SKIC3: variants seen among roughly 807,000 people sequenced by gnomAD.
SKIC3 encodes the protein SKI3 subunit of superkiller complex.
the SKIC3 span, chr5:95,529,192 C>T: frequency 1.9e-6 from 2 of 1,045,756 alleles, no homozygotes; most frequent in Non-Finnish European, 2.9e-6. Context: ...TCAGACTCCT[C>T]CCCTCTTCAT....
the SKIC3 span, among the ~76,000 whole-genome samples, chr5:95,535,393 C>G: frequency 6.7e-6 from 1 of 149,190 alleles, no homozygotes; most frequent in Non-Finnish European, 1.5e-5. Context: ...TCACTGCAAC[C>G]TCCGCCTCCC....
chr5:95,465,736 T>C, the SKIC3 span, among the ~76,000 whole-genome samples: 1 of 152,230 alleles, frequency 6.6e-6, no homozygotes, highest in Non-Finnish European at 1.5e-5. Flanking sequence ...ATGCAGTCGG[T>C]TGCATTACAA....
chr5:95,509,358 GA>G, the SKIC3 span, among the ~76,000 whole-genome samples: 5 of 151,678 alleles, frequency 3.3e-5, no homozygotes, highest in African/African-American at 1.2e-4. Flanking sequence ...AAGGAAAAAA[GA>G]AAAAAAACCT....
At chr5:95,495,996 T>C in the SKIC3 span, among the ~76,000 whole-genome samples, 1 of 151,998 alleles carries the variant, frequency 6.6e-6, no homozygotes, top group African/African-American at 2.4e-5. Context: ...TTCTGCCATT[T>C]GCAAATGCTA....
the SKIC3 span, among the ~76,000 whole-genome samples, chr5:95,467,134 T>G: frequency 1.9e-3 from 286 of 152,288 alleles, no homozygotes; most frequent in Middle Eastern, 3.4e-3. Flanking sequence ...CCTCAGTACA[T>G]TTAATGGATG....
chr5:95,488,611 A>G, the SKIC3 span, among the ~76,000 whole-genome samples: 3 of 152,216 alleles, frequency 2.0e-5, no homozygotes. Flanking sequence ...AGGGAAAATA[A>G]AGTTTTCCCA....
chr5:95,485,353 T>G, the SKIC3 span, among the ~76,000 whole-genome samples: 1 of 152,190 alleles, frequency 6.6e-6, no homozygotes, highest in East Asian at 1.9e-4. Flanking sequence ...ATAGGCCAAT[T>G]TGCATTTCCA....
chr5:95,475,270 G>A, the SKIC3 span, among the ~76,000 whole-genome samples: 18 of 152,146 alleles, frequency 1.2e-4, no homozygotes, highest in African/African-American at 2.7e-4. Context: ...TAAATCTCAC[G>A]TTGAACTGTA....
the SKIC3 span, chr5:95,516,835 A>G: frequency 1.9e-6 from 3 of 1,567,328 alleles, no homozygotes; most frequent in Admixed American, 1.8e-5. Flanking sequence ...ATGTGAAAAC[A>G]CTATTTACTT....
At chr5:95,523,969 A>T in the SKIC3 span, 6 of 909,288 alleles carry the variant, frequency 6.6e-6, no homozygotes, top group Non-Finnish European at 8.1e-6. Context: ...ATGCCAAAAA[A>T]TCCTTTGATG....
the SKIC3 span, chr5:95,513,352 C>A: frequency 1.8e-3 from 911 of 506,290 alleles, 19 homozygotes; most frequent in East Asian, 0.032. Flanking sequence ...TACAGGTATA[C>A]ACCATCATAC....
At chr5:95,530,099 G>A in the SKIC3 span, 1 of 1,613,062 alleles carries the variant, frequency 6.2e-7, no homozygotes, top group Non-Finnish European at 8.5e-7. Flanking sequence ...CTTCTGTTAG[G>A]TTCCTAACAG....
At chr5:95,476,040 G>A in the SKIC3 span, among the ~76,000 whole-genome samples, 1 of 152,216 alleles carries the variant, frequency 6.6e-6, no homozygotes, top group East Asian at 1.9e-4. Context: ...GGTGATTTGG[G>A]TTGCTGGGTC....
chr5:95,529,226 A>T, the SKIC3 span: 4 of 816,824 alleles, frequency 4.9e-6, no homozygotes, highest in South Asian at 5.8e-5. Flanking sequence ...TCAGTCACAA[A>T]GTCACACTGA....
the SKIC3 span, among the ~76,000 whole-genome samples, chr5:95,546,346 A>C: frequency 6.6e-5 from 9 of 137,394 alleles, no homozygotes; most frequent in Non-Finnish European, 1.4e-4. Flanking sequence ...TGAGAAAAAA[A>C]AAAAACAAAA....
the SKIC3 span, among the ~76,000 whole-genome samples, chr5:95,526,705 G>A: frequency 6.6e-6 from 1 of 152,082 alleles, no homozygotes; most frequent in African/African-American, 2.4e-5. Context: ...CTGACCTCAA[G>A]TGATCCACCT....
At chr5:95,541,333 A>G in the SKIC3 span, 2 of 1,613,862 alleles carry the variant, frequency 1.2e-6, no homozygotes, top group South Asian at 2.2e-5. Flanking sequence ...TTGGTAATAT[A>G]GATCCACAAG....
the SKIC3 span, chr5:95,509,746 T>C: frequency 8.7e-7 from 1 of 1,149,652 alleles, no homozygotes; most frequent in Non-Finnish European, 1.3e-6. Flanking sequence ...TAACAAAATA[T>C]TCGTTTTATT....
At chr5:95,528,923 C>A in the SKIC3 span, 1 of 1,232,722 alleles carries the variant, frequency 8.1e-7, no homozygotes, top group Admixed American at 2.0e-5. Flanking sequence ...TTTTAAAAAT[C>A]ACTATCTTTG....
Sources: allele counts gnomAD v4.1 joint callset (sites outside exome capture counted in the v4.1 genomes callset), GRCh38; gene constraint gnomAD v4.1.1; transcripts MANE v1.5; gene names NCBI Gene and HGNC (gene_info 2026-07-23, HGNC 2026-07-21).